CDK14: variants seen among roughly 807,000 people sequenced by gnomAD.
CDK14 encodes cyclin-dependent kinase 14.
A neutral mutation model predicts 60.7 loss-of-function variants in CDK14; 34 were observed. That is an observed-to-expected ratio of 0.56 (90% CI 0.43 to 0.75). The LOEUF is 0.75. Among genes scored for constraint, CDK14 ranks in the 30% least tolerant of loss-of-function variants. CDK14 has a pLI of 0.00. For synonymous variants in CDK14, 197 were observed against 203.7 expected, an observed-to-expected ratio of 0.97 and a Z score of 0.28; for missense variants, 482 against 564.1, an observed-to-expected ratio of 0.85 and a Z score of 1.47.
intron 5 of CDK14, among the ~76,000 whole-genome samples, chr7:90,837,455 T>G (rs191370146): frequency 5.3e-5 from 8 of 152,176 alleles, no homozygotes; most frequent in Non-Finnish European, 8.8e-5. Flanking sequence ...ACCCGGCTAA[T>G]TAAATAATAT....
chr7:90,757,704 G>A (rs947005261), intron 4 of CDK14, among the ~76,000 whole-genome samples: 9 of 151,734 alleles, frequency 5.9e-5, no homozygotes, highest in Non-Finnish European at 1.0e-4. Context: ...AGGCTTAACC[G>A]ATTCTCATGC....
chr7:91,197,824 G>A (rs1802594183), intron 14 of CDK14, among the ~76,000 whole-genome samples: 1 of 152,204 alleles, frequency 6.6e-6, no homozygotes, highest in Non-Finnish European at 1.5e-5. Context: ...TGCTATGGTG[G>A]GATAACTAGT....
At chr7:91,133,036 A>G (rs1165215633) in intron 14 of CDK14, among the ~76,000 whole-genome samples, 1 of 152,174 alleles carries the variant, frequency 6.6e-6, no homozygotes, top group Non-Finnish European at 1.5e-5. Flanking sequence ...AATATATAAT[A>G]TTTCATATAT....
At chr7:90,998,213 T>C (rs964685691) in intron 10 of CDK14, among the ~76,000 whole-genome samples, 1 of 152,350 alleles carries the variant, frequency 6.6e-6, no homozygotes, top group Non-Finnish European at 1.5e-5. Flanking sequence ...TTTTTGTTTA[T>C]CTTTCCAAAT....
intron 5 of CDK14, among the ~76,000 whole-genome samples, chr7:90,856,963 G>A (rs1403308368): frequency 2.0e-5 from 3 of 152,164 alleles, no homozygotes; most frequent in Admixed American, 6.5e-5. Flanking sequence ...GCCTGTGAAT[G>A]TCTTTTTTCT....
At chr7:90,750,213 C>T (rs1803781441) in intron 4 of CDK14, among the ~76,000 whole-genome samples, 1 of 147,764 alleles carries the variant, frequency 6.8e-6, no homozygotes, top group South Asian at 2.2e-4. Flanking sequence ...AATAATATTA[C>T]AGAGAAAGAA....
intron 4 of CDK14, among the ~76,000 whole-genome samples, chr7:90,757,947 G>A (rs1562755767): frequency 6.6e-6 from 1 of 152,150 alleles, no homozygotes; most frequent in Non-Finnish European, 1.5e-5. Flanking sequence ...ATTAGGCATA[G>A]TTTAGAAGCT....
intron 9 of CDK14, among the ~76,000 whole-genome samples, chr7:90,978,364 C>T (rs1321095805): frequency 5.3e-5 from 8 of 151,812 alleles, no homozygotes; most frequent in African/African-American, 7.3e-5. Context: ...CTCCTTTTGT[C>T]GATATAGGGG....
intron 2 of CDK14, among the ~76,000 whole-genome samples, chr7:90,646,547 T>C (rs958600883): frequency 6.6e-6 from 1 of 152,158 alleles, no homozygotes; most frequent in African/African-American, 2.4e-5. Context: ...ATAAAAAGTT[T>C]TCCTCATGCT....
chr7:90,603,707 G>A (rs1347262629), intron 1 of CDK14, among the ~76,000 whole-genome samples: 2 of 152,074 alleles, frequency 1.3e-5, no homozygotes, highest in Admixed American at 6.5e-5. Context: ...TTATCATGTC[G>A]AAATGTTTAA....
At chr7:91,184,280 C>T (rs1042961518) in intron 14 of CDK14, among the ~76,000 whole-genome samples, 1 of 141,798 alleles carries the variant, frequency 7.1e-6, no homozygotes, top group Non-Finnish European at 1.5e-5. Context: ...GTGAGATCCT[C>T]TCAAAAAAAA....
At chr7:91,031,358 C>T (rs1562875534) in intron 10 of CDK14, among the ~76,000 whole-genome samples, 1 of 151,804 alleles carries the variant, frequency 6.6e-6, no homozygotes, top group Non-Finnish European at 1.5e-5. Context: ...ATAATATTCC[C>T]TTTCGATAAT....
At chr7:90,788,969 A>G (rs1415663524) in intron 4 of CDK14, among the ~76,000 whole-genome samples, 1 of 152,162 alleles carries the variant, frequency 6.6e-6, no homozygotes, top group African/African-American at 2.4e-5. Flanking sequence ...AGGAAAGGAT[A>G]CCAAATATTT....
Position 91,079,577 on chromosome 7 carries a change from G to A in CDK14, c.1154+97G>A, listed in dbSNP as rs1798426416. On this transcript the variant is annotated intron_variant, in intron 12 of 14. Transcript: ENST00000380050. ...TTTCATGGCATTGTTGATTCATCCT[G>A]CTGTGTATTTATTCATTCATTTAAC... 4 of 859,170 alleles carry A rather than the reference G, an allele frequency of 4.7e-6. No homozygotes were observed. In the East Asian group the frequency reaches 7.5e-5, roughly 16 times the overall value. 53.2% of individuals were successfully genotyped at this position (859,170 alleles called of 1,614,324 possible).
At chr7:90,951,801 A>C (rs1278283861) in intron 8 of CDK14, among the ~76,000 whole-genome samples, 1 of 152,150 alleles carries the variant, frequency 6.6e-6, no homozygotes, top group African/African-American at 2.4e-5. Flanking sequence ...CTCTGTATTA[A>C]TTCTGGCTGG....
chr7:91,162,568 T>C (rs1050258089), intron 14 of CDK14, among the ~76,000 whole-genome samples: 25 of 152,094 alleles, frequency 1.6e-4, no homozygotes, highest in African/African-American at 5.6e-4. Flanking sequence ...GCATCTGTAG[T>C]GACAAAGAGC....
chr7:90,808,279 C>G (rs909562473), intron 5 of CDK14, among the ~76,000 whole-genome samples: 5 of 152,152 alleles, frequency 3.3e-5, no homozygotes, highest in Admixed American at 2.0e-4. Context: ...GGCAGAAACC[C>G]TACAAGCCAG....
At chr7:90,632,384 G>T in intron 2 of CDK14, 1 of 283,264 alleles carries the variant, frequency 3.5e-6, no homozygotes, top group Non-Finnish European at 7.4e-6. Flanking sequence ...ATTGCCTTTA[G>T]TGCCCTCTTC....
intron 2 of CDK14, among the ~76,000 whole-genome samples, chr7:90,666,658 T>G (rs951874152): frequency 1.3e-5 from 2 of 152,256 alleles, no homozygotes; most frequent in Admixed American, 6.5e-5. Context: ...AAATGTTGCC[T>G]TAAAACATGG....
Sources: allele counts gnomAD v4.1 joint callset (sites outside exome capture counted in the v4.1 genomes callset), GRCh38; gene constraint gnomAD v4.1.1; transcripts MANE v1.5; gene names NCBI Gene and HGNC (gene_info 2026-07-23, HGNC 2026-07-21).